Variants in FSD1L observed in about 807,000 individuals in gnomAD.
FSD1L encodes the protein FSD1-like protein.
In FSD1L, 45 loss-of-function variants were observed where a neutral mutation model predicts 71.6. The ratio of observed to expected loss-of-function variants is 0.63; its 90% CI spans 0.49 to 0.81. FSD1L has a LOEUF of 0.81. Ranked by LOEUF, FSD1L falls within the 30% of genes least tolerant of loss-of-function variation. The pLI is 0.00. For missense variants in FSD1L, 561 were observed against 618.1 expected (o/e 0.91, Z 0.98); for synonymous variants, 197 against 207.2 (o/e 0.95, Z 0.42).
At chr9:105,489,665 C>T (rs1006287171) in intron 7 of FSD1L, among the ~76,000 whole-genome samples, 1 of 152,150 alleles carries the variant, frequency 6.6e-6, no homozygotes, top group African/African-American at 2.4e-5. Context: ...CTCCCCTCAC[C>T]CCACAACAGT....
chr9:105,485,542 T>TG (rs1832487039), intron 7 of FSD1L, among the ~76,000 whole-genome samples: 1 of 150,158 alleles, frequency 6.7e-6, no homozygotes, highest in Non-Finnish European at 1.5e-5. Flanking sequence ...TGTTTTTTTT[T>TG]TTTTTTTTTT....
At chr9:105,474,535 G>C (rs1413639523) in intron 5 of FSD1L, among the ~76,000 whole-genome samples, 1 of 152,212 alleles carries the variant, frequency 6.6e-6, no homozygotes, top group Admixed American at 6.5e-5. Context: ...ATGGACTACA[G>C]GCCTGCCTCA....
intron 7 of FSD1L, among the ~76,000 whole-genome samples, chr9:105,491,588 G>T (rs1013923555): frequency 2.1e-4 from 32 of 152,010 alleles, no homozygotes; most frequent in African/African-American, 5.1e-4. Flanking sequence ...GTTTTCAAAG[G>T]GAATGCTTCC....
intron 7 of FSD1L, among the ~76,000 whole-genome samples, chr9:105,498,864 T>G (rs960026375): frequency 2.6e-5 from 4 of 152,194 alleles, no homozygotes; most frequent in Non-Finnish European, 4.4e-5. Context: ...TCTCAAGTGA[T>G]CCGCCCCCCT....
At chr9:105,470,471 G>A (rs1692138802) in intron 4 of FSD1L, among the ~76,000 whole-genome samples, 1 of 152,084 alleles carries the variant, frequency 6.6e-6, no homozygotes, top group African/African-American at 2.4e-5. Context: ...TGCTTTGTTG[G>A]TTAAATTTAT....
At chr9:105,535,534 T>C (rs1040237171) in intron 12 of FSD1L, among the ~76,000 whole-genome samples, 1 of 152,184 alleles carries the variant, frequency 6.6e-6, no homozygotes, top group African/African-American at 2.4e-5. Flanking sequence ...ATTTATAATA[T>C]ACTAAGTCTG....
chr9:105,453,040 A>AGTTGTTTTTT (rs1830140025), intron 1 of FSD1L, among the ~76,000 whole-genome samples: 1 of 136,976 alleles, frequency 7.3e-6, no homozygotes, highest in Non-Finnish European at 1.5e-5. Flanking sequence ...TCTGACCTAA[A>AGTTGTTTTTT]GTTGTTTTTT....
chr9:105,534,605 CAT>C lies in FSD1L; in HGVS notation c.1126+14_1126+15del. 2 of 1,438,420 alleles carry C rather than the reference CAT, an allele frequency of 1.4e-6. No homozygotes were observed. The highest frequency in any genetic ancestry group is 1.9e-6 in the Non-Finnish European group (2 of 1,051,788). 89.1% of individuals were successfully genotyped at this position (1,438,420 alleles called of 1,614,324 possible). ...ATACACAGTGCTGGGTAGGACAAAACATAATTGTTTTTCATTATCTCAGATTA... is the reference window on the plus strand; with the variant it reads ...ATACACAGTGCTGGGTAGGACAAAACAATTGTTTTTCATTATCTCAGATTA... On this transcript the variant is annotated intron_variant, in intron 11 of 13. Coordinates refer to ENST00000481272, the MANE Select transcript of FSD1L (RefSeq NM_001145313.3).
chr9:105,534,600 C>G lies in FSD1L; in HGVS notation c.1126+7C>G. The G allele has an allele frequency of 3.4e-6, 5 of 1,462,310 alleles. No homozygotes were observed. The highest frequency in any genetic ancestry group is 4.7e-6 in the Non-Finnish European group (5 of 1,072,136). 90.6% of individuals were successfully genotyped at this position (1,462,310 alleles called of 1,614,324 possible). A position where few individuals can be genotyped will look rare whatever the true frequency, so the allele number is the denominator to read the frequency against. On this transcript the variant is annotated splice_region_variant and intron_variant, in intron 11 of 13. Transcript: ENST00000481272. ...GAATCATACACAGTGCTGGGTAGGA[C>G]AAAACATAATTGTTTTTCATTATCT...
intron 10 of FSD1L, among the ~76,000 whole-genome samples, chr9:105,519,512 A>G (rs1027421392): frequency 5.3e-5 from 8 of 152,194 alleles, no homozygotes; most frequent in African/African-American, 1.9e-4. Flanking sequence ...AAATCAATAA[A>G]TATAATCCAT....
chr9:105,506,774 T>C (rs1834075691), intron 8 of FSD1L, among the ~76,000 whole-genome samples, 166 bp downstream of exon 8: 1 of 136,028 alleles, frequency 7.4e-6, no homozygotes, highest in Admixed American at 7.3e-5. Flanking sequence ...AAGGAAACCC[T>C]TTTTTTTTTT....
At chr9:105,495,097 C>G (rs1039416724) in intron 7 of FSD1L, among the ~76,000 whole-genome samples, 8 of 152,322 alleles carry the variant, frequency 5.3e-5, no homozygotes, top group Admixed American at 2.0e-4. Context: ...TGCCCTGCCC[C>G]CAGAGGTGGA....
rs1001832674 is a variant in FSD1L, at chr9:105,551,229, A to C, written c.*4746A>C. 6.6e-6 allele frequency: 1 copy of C among 152,098 alleles called. No homozygotes were observed. Among genetic ancestry groups the C allele is most frequent in the East Asian group, 1.9e-4 (1 of 5,194 alleles). 9.4% of individuals were successfully genotyped at this position (152,098 alleles called of 1,614,324 possible). On this transcript the variant is annotated 3_prime_UTR_variant, in exon 14 of 14. Coordinates refer to ENST00000481272, the MANE Select transcript of FSD1L (RefSeq NM_001145313.3). ...ATACTATAAGACAGATAATAGCTAA[A>C]GTTTTGGAATAATTTATATTAAAAG...
chr9:105,464,276 A>T lies in FSD1L; in HGVS notation c.152A>T (p.Asn51Ile). ...QRIISTLANK[N>I]DEIQNFIDTL... ...ATCATTTCAACTCTGGCAAATAAAA[A>T]TGATGAAATTCAGAACTTTATTGAT... The change falls in exon 3 of 14, where the codon AAT becomes ATT. Residue 51 changes from asparagine to isoleucine, a missense_variant. Asn to Ile is a moderately radical substitution (Grantham distance 149, BLOSUM62 -3). Coordinates refer to ENST00000481272, the MANE Select transcript of FSD1L (RefSeq NM_001145313.3). 6.5e-7 allele frequency: 1 copy of T among 1,530,854 alleles called. No individual in the cohort carries two copies. The highest frequency in any genetic ancestry group is 1.2e-5 in the South Asian group (1 of 82,294). The allele number at this position is 1,530,854 out of a possible 1,614,324, so 94.8% of individuals were successfully genotyped here. A position where few individuals can be genotyped will look rare whatever the true frequency, so the allele number is the denominator to read the frequency against.
intron 7 of FSD1L, chr9:105,500,728 G>T (rs1031682604): frequency 8.5e-5 from 13 of 152,154 alleles, no homozygotes; most frequent in Non-Finnish European, 1.5e-5. Context: ...GGTCTCCTTG[G>T]AGCTGGACTC....
Position 105,506,530 on chromosome 9 carries a change from G to A in FSD1L, c.718G>A (p.Asp240Asn). ...FILEHRKTNF[D>N]GLPRVKDERC... ...ACTGGAACATAGGAAGACTAATTTT[G>A]ATGGACTTCCACGTGTAAAGGATGA... Residue 240 changes from aspartate to asparagine, a missense_variant, in exon 8 of 14, where the codon GAT becomes AAT. Transcript: ENST00000481272. 6.4e-7 allele frequency: 1 copy of A among 1,551,120 alleles called. No individual in the cohort carries two copies. The highest frequency in any genetic ancestry group is 8.7e-7 in the Non-Finnish European group (1 of 1,146,544).
At chr9:105,503,847 T>C (rs1257280736) in intron 7 of FSD1L, among the ~76,000 whole-genome samples, 1 of 152,218 alleles carries the variant, frequency 6.6e-6, no homozygotes, top group South Asian at 2.1e-4. Flanking sequence ...TATCTAAATA[T>C]CTTTGTCCCT....
intron 1 of FSD1L, among the ~76,000 whole-genome samples, chr9:105,449,393 A>G (rs2131552363): frequency 6.6e-6 from 1 of 152,350 alleles, no homozygotes; most frequent in East Asian, 1.9e-4. Flanking sequence ...GAGTATGTAT[A>G]GGTTTAAAAT....
At chr9:105,514,540 A>G (rs972258492) in intron 10 of FSD1L, among the ~76,000 whole-genome samples, 8 of 152,224 alleles carry the variant, frequency 5.3e-5, no homozygotes, top group Admixed American at 4.6e-4. Flanking sequence ...CAATAATGCA[A>G]GGTAGACATA....
Sources: gnomAD v4.1 joint callset for allele counts (sites outside exome capture counted in the v4.1 genomes callset) on GRCh38, gnomAD v4.1.1 for gene constraint, MANE v1.5 for transcripts, NCBI Gene and HGNC (gene_info 2026-07-23, HGNC 2026-07-21) for gene names.